GABRB3: variants seen among roughly 807,000 people sequenced by gnomAD.
GABRB3 encodes gamma-aminobutyric acid type A receptor subunit beta3, also known as gamma-aminobutyric acid receptor subunit beta-3.
In GABRB3, 14 loss-of-function variants were observed where a neutral mutation model predicts 52.1. That is an observed-to-expected ratio of 0.27 (90% CI 0.18 to 0.42). The LOEUF is 0.42. Among genes scored for constraint, GABRB3 ranks in the 10% least tolerant of loss-of-function variants. GABRB3 has a pLI of 1.00. For synonymous variants in GABRB3, 260 were observed against 232.3 expected (o/e 1.12, Z -1.08); for missense variants, 307 against 609.1 (o/e 0.50, Z 5.22).
At chr15:26,772,359 G>C in intron 3 of GABRB3, 43 bp downstream of exon 3, 2 of 1,543,168 alleles carry the variant, frequency 1.3e-6, no homozygotes, top group Non-Finnish European at 1.8e-6. Context: ...CCCAGACAGC[G>C]GGCCGGGGGC....
At chr15:26,622,380 G>A (rs1000642394) in intron 3 of GABRB3, among the ~76,000 whole-genome samples, 1 of 129,792 alleles carries the variant, frequency 7.7e-6, no homozygotes, top group Non-Finnish European at 1.8e-5. Flanking sequence ...TTTTGTTGGG[G>A]ACAATCATCA....
At chr15:26,634,135 A>C (rs1270135951) in intron 3 of GABRB3, among the ~76,000 whole-genome samples, 3 of 151,380 alleles carry the variant, frequency 2.0e-5, no homozygotes, top group Non-Finnish European at 2.9e-5. Flanking sequence ...GGAGAGGGGC[A>C]CCCCCCTTTC....
At chr15:26,773,668 C>T (rs756155095), upstream of GABRB3, 1 of 1,572,090 alleles carries the variant, frequency 6.4e-7, no homozygotes, top group Non-Finnish European at 8.6e-7. Flanking sequence ...AGCCTCGGGT[C>T]CCCAGGGTCC....
At chr15:26,702,253 T>C (rs1595539087) in intron 3 of GABRB3, among the ~76,000 whole-genome samples, 2 of 152,346 alleles carry the variant, frequency 1.3e-5, no homozygotes, top group Middle Eastern at 6.8e-3. Flanking sequence ...CTTTTGTCTT[T>C]TGAAACATAC....
rs116529004 is a variant in GABRB3 at position 26,626,921 on chromosome 15, T to C, written c.241-5387A>G. On this transcript the variant is annotated intron_variant, in intron 3 of 8. Coordinates refer to ENST00000311550, the MANE Select transcript of GABRB3 (RefSeq NM_000814.6). ...TTTTCAGAGTAGACTTTGGAAGAAG[T>C]CTTTTCTAATGGAAGAAGAGGCCAT... is the stretch of plus-strand genomic sequence containing the variant. Among the ~76,000 whole-genome samples, 810 of 152,312 alleles carry C rather than the reference T, an allele frequency of 5.3e-3. 5 individuals carry two copies. Among genetic ancestry groups the C allele is most frequent in the African/African-American group, 0.018 (767 of 41,556 alleles).
At chr15:26,590,864 A>T (rs1038390727) in intron 4 of GABRB3, among the ~76,000 whole-genome samples, 1 of 152,170 alleles carries the variant, frequency 6.6e-6, no homozygotes, top group African/African-American at 2.4e-5. Flanking sequence ...TGCCTCCTGA[A>T]TGTGCGCCAA....
intron 6 of GABRB3, among the ~76,000 whole-genome samples, chr15:26,573,945 G>A (rs998018852): frequency 6.6e-6 from 1 of 152,316 alleles, no homozygotes; most frequent in South Asian, 2.1e-4. Context: ...TAGGTACTTA[G>A]GAGTCTGAGA....
Position 26,645,016 on chromosome 15 carries a change from G to A in GABRB3, c.241-23482C>T, listed in dbSNP as rs77015993. 3.4e-3 allele frequency among the ~76,000 whole-genome samples: 515 copies of A among 152,318 alleles called. 6 individuals are homozygous for A. Among genetic ancestry groups the A allele is most frequent in the African/African-American group, 0.012 (481 of 41,570 alleles). On this transcript the variant is annotated intron_variant, in intron 3 of 8. Coordinates refer to ENST00000311550, the MANE Select transcript of GABRB3 (RefSeq NM_000814.6). ...TTCAACACTTTTTGTAAGAGGCTAA[G>A]AAGGAAGGATTGCTTGAGGCAATTG...
intron 3 of GABRB3, among the ~76,000 whole-genome samples, chr15:26,716,221 C>T (rs1595547684): frequency 6.6e-6 from 1 of 152,188 alleles, no homozygotes; most frequent in East Asian, 1.9e-4. Flanking sequence ...CTGAATGCTA[C>T]ATGCTGATCC....
At chr15:26,629,288 G>A (rs1202868290) in intron 3 of GABRB3, 9 of 928,104 alleles carry the variant, frequency 9.7e-6, no homozygotes, top group Non-Finnish European at 1.4e-5. Context: ...GGCTCGAGGG[G>A]CGTGGCCCGT....
rs1189405495 is a variant in GABRB3, at chr15:26,770,165, G to A, written c.240+2237C>T. ...GGAAAATCAGATTTTTCTAAAACAT[G>A]ACGTGACCAATCTGCTTGTGGGAGG... On this transcript the variant is annotated intron_variant, in intron 3 of 8. Transcript: ENST00000311550. Among the ~76,000 whole-genome samples, 6 of 152,240 alleles carry A rather than the reference G, an allele frequency of 3.9e-5. No homozygotes were observed. The East Asian group carries it at 1.2e-3, about 29-fold the overall frequency.
Position 26,773,031 on chromosome 15 carries a change from T to C in GABRB3, c.-69A>G. 2 of 1,063,770 alleles carry C rather than the reference T, an allele frequency of 1.9e-6. No homozygotes were observed. The highest frequency in any genetic ancestry group is 5.6e-5 in the East Asian group (1 of 17,978). 65.9% of individuals were successfully genotyped at this position (1,063,770 alleles called of 1,614,324 possible). A position where few individuals can be genotyped will look rare whatever the true frequency, so the allele number is the denominator to read the frequency against. On this transcript the variant is annotated 5_prime_UTR_variant, in exon 1 of 9. Transcript: ENST00000311550. ...CGTCGCGACCCGCAGCCGGGGCTGC[T>C]CCTGCTGCTGCCGCCGCCGCCGCCG...
intron 3 of GABRB3, among the ~76,000 whole-genome samples, chr15:26,755,005 C>CTTTTTT (rs5811447): frequency 7.2e-6 from 1 of 139,184 alleles, no homozygotes; most frequent in East Asian, 2.1e-4. Flanking sequence ...CCTCTAACAA[C>CTTTTTT]TTTTTTTTTT....
intron 4 of GABRB3, among the ~76,000 whole-genome samples, chr15:26,594,469 G>A (rs1891323361): frequency 6.6e-6 from 1 of 152,138 alleles, no homozygotes. Context: ...TTTAGCTCAT[G>A]TTTAGAGAAT....
At chr15:26,616,562 G>A (rs762649425) in intron 4 of GABRB3, among the ~76,000 whole-genome samples, 26 of 149,634 alleles carry the variant, frequency 1.7e-4, no homozygotes, top group Admixed American at 8.7e-4. Flanking sequence ...AAAATCTGAT[G>A]CTCTAAATAA....
At chr15:26,722,254 A>T (rs549192271) in intron 3 of GABRB3, among the ~76,000 whole-genome samples, 1 of 152,284 alleles carries the variant, frequency 6.6e-6, no homozygotes, top group South Asian at 2.1e-4. Flanking sequence ...TGGTTTCGGG[A>T]ATTGCCAAAC....
chr15:26,671,107 T>A (rs73370110), intron 3 of GABRB3, among the ~76,000 whole-genome samples: 4,348 of 152,218 alleles, frequency 0.029, 209 homozygotes, highest in African/African-American at 0.099. Context: ...TAAGAAATAC[T>A]GTGATGTGTA....
At chr15:26,672,163 A>G (rs1169499207) in intron 3 of GABRB3, among the ~76,000 whole-genome samples, 1 of 152,142 alleles carries the variant, frequency 6.6e-6, no homozygotes, top group Non-Finnish European at 1.5e-5. Context: ...ACAGTGACAT[A>G]GGATTATTTT....
intron 4 of GABRB3, chr15:26,615,838 G>C (rs1892233342): frequency 6.6e-6 from 8 of 1,218,880 alleles, no homozygotes; most frequent in Non-Finnish European, 3.1e-6. Context: ...AGGGGTGAGA[G>C]AAATTCAGTC....
Sources: allele counts gnomAD v4.1 joint callset (sites outside exome capture counted in the v4.1 genomes callset), GRCh38; gene constraint gnomAD v4.1.1; transcripts MANE v1.5; gene names NCBI Gene and HGNC (gene_info 2026-07-23, HGNC 2026-07-21).